Variants in FMN1 observed in about 807,000 individuals in gnomAD.
The protein encoded by FMN1 is formin 1.
FMN1 carries 110 observed loss-of-function variants against 132.4 expected under a neutral mutation model. The ratio of observed to expected loss-of-function variants is 0.83; its 90% CI spans 0.71 to 0.97. The LOEUF is 0.97. Ranked by LOEUF, FMN1 falls within the 50% of genes least tolerant of loss-of-function variation. The pLI is 0.00. For synonymous variants in FMN1, 722 were observed against 651.7 expected (o/e 1.11, Z -1.64); for missense variants, 1,792 against 1,705.3 (o/e 1.05, Z -0.90).
At chr15:33,185,908 C>G (rs1173874739) in intron 2 of FMN1, among the ~76,000 whole-genome samples, 4 of 152,062 alleles carry the variant, frequency 2.6e-5, no homozygotes, top group Admixed American at 1.3e-4. Context: ...TCATGAAATG[C>G]TTTCATGCCT....
intron 4 of FMN1, among the ~76,000 whole-genome samples, chr15:33,113,792 T>C (rs963478624): frequency 5.3e-5 from 8 of 152,180 alleles, no homozygotes; most frequent in Admixed American, 6.5e-5. Flanking sequence ...CTGTGACTCC[T>C]TCCAGACGGT....
At chr15:33,084,831 T>A (rs1197333472) in intron 5 of FMN1, among the ~76,000 whole-genome samples, 3 of 152,208 alleles carry the variant, frequency 2.0e-5, no homozygotes, top group African/African-American at 7.2e-5. Flanking sequence ...GTGTCCATCC[T>A]GACTCACGGA....
intron 2 of FMN1, among the ~76,000 whole-genome samples, chr15:33,190,768 G>A (rs79962769): frequency 1.3e-5 from 2 of 152,140 alleles, no homozygotes; most frequent in East Asian, 3.8e-4. Flanking sequence ...TCATAAAGGT[G>A]TCTCCTGCCC....
chr15:33,012,451 A>G, intron 6 of FMN1: 4 of 1,043,590 alleles, frequency 3.8e-6, no homozygotes, highest in Non-Finnish European at 4.4e-6. Flanking sequence ...TGCTGGCATT[A>G]AAGAAGACAC....
In FMN1 at chr15:32,999,812, A is replaced by G. The variant is rs1377319711; in HGVS notation, c.2223+8202T>C. Among the ~76,000 whole-genome samples, 4 of 152,218 alleles carry G rather than the reference A, an allele frequency of 2.6e-5. No individual in the cohort carries two copies. The East Asian group carries it at 5.8e-4, about 22-fold the overall frequency. ...CTGCTTAAGGTGTTGGTCAAAAACG[A>G]TATTCTTAAGCTACCAGCTCCTCAC... On this transcript the variant is annotated intron_variant, in intron 7 of 20. Coordinates refer to ENST00000616417, the MANE Select transcript of FMN1 (RefSeq NM_001277313.2).
chr15:32,794,710 A>C (rs1333408866), intron 19 of FMN1, among the ~76,000 whole-genome samples: 1 of 152,254 alleles, frequency 6.6e-6, no homozygotes, highest in Non-Finnish European at 1.5e-5. Flanking sequence ...TGTGTACCAA[A>C]AATTCATTGA....
At chr15:32,893,369 C>CGT (rs148715603) in intron 15 of FMN1, among the ~76,000 whole-genome samples, 7,250 of 150,164 alleles carry the variant, frequency 0.048, 225 homozygotes, top group Non-Finnish European at 0.071. Flanking sequence ...GTTTTGATTG[C>CGT]GTGTGTGTGT....
At chr15:33,066,073 C>CT (rs1409814942) in intron 5 of FMN1, among the ~76,000 whole-genome samples, 2 of 152,158 alleles carry the variant, frequency 1.3e-5, no homozygotes, top group Non-Finnish European at 2.9e-5. Context: ...GTGGAACACT[C>CT]TAATCACACC....
At chr15:32,843,345 A>G in intron 17 of FMN1, among the ~76,000 whole-genome samples, 1 of 152,200 alleles carries the variant, frequency 6.6e-6, no homozygotes, top group African/African-American at 2.4e-5. Flanking sequence ...CCTATTTCAC[A>G]TGAAGCTCAG....
Position 32,883,509 on chromosome 15 carries a change from CAAAAAAAAAA to C in FMN1, c.3835+4653_3835+4662del, listed in dbSNP as rs60737133. Among the ~76,000 whole-genome samples the C allele has an allele frequency of 1.3e-3, 33 of 25,922 alleles. No individual in the cohort carries two copies. The South Asian group carries it at 0.025, about 20-fold the overall frequency. 17.0% of individuals were successfully genotyped at this position (25,922 alleles called of 152,430 possible). A position where few individuals can be genotyped will look rare whatever the true frequency, so the allele number is the denominator to read the frequency against. On this transcript the variant is annotated intron_variant, in intron 16 of 20. Transcript: ENST00000616417. ...TGGGCAATAGAGCAAGAACCTATCTCAAAAAAAAAAAAAAAAAAAAAAAAAAAAAAAAAGA... is the reference window on the plus strand; with the variant it reads ...TGGGCAATAGAGCAAGAACCTATCTCAAAAAAAAAAAAAAAAAAAAAAAGA...
At chr15:32,823,758 G>A (rs62001289) in intron 17 of FMN1, among the ~76,000 whole-genome samples, 1 of 152,168 alleles carries the variant, frequency 6.6e-6, no homozygotes, top group African/African-American at 2.4e-5. Flanking sequence ...GCACTATGTG[G>A]AAACAAAGCC....
At chr15:32,814,927 T>C (rs189291513) in intron 17 of FMN1, among the ~76,000 whole-genome samples, 1 of 128,838 alleles carries the variant, frequency 7.8e-6, no homozygotes, top group African/African-American at 3.0e-5. Flanking sequence ...AGGCTGCATG[T>C]TTATTTTATT....
intron 7 of FMN1, among the ~76,000 whole-genome samples, chr15:32,983,636 A>G (rs1276291513): frequency 2.0e-5 from 3 of 152,118 alleles, no homozygotes. Context: ...GGGCTTCCAC[A>G]GCAAGATTCT....
intron 4 of FMN1, among the ~76,000 whole-genome samples, chr15:33,125,056 T>C (rs1383359648): frequency 6.6e-5 from 10 of 152,278 alleles, no homozygotes; most frequent in Non-Finnish European, 1.3e-4. Context: ...TTAAACAATT[T>C]AAAGCGACTG....
chr15:33,090,591 G>C (rs1020049256), intron 4 of FMN1, among the ~76,000 whole-genome samples: 2 of 151,930 alleles, frequency 1.3e-5, no homozygotes, highest in African/African-American at 4.8e-5. Context: ...CAGTTGTCTA[G>C]AAGAGTATAC....
chr15:33,059,649 T>TA (rs1445808980), intron 6 of FMN1, among the ~76,000 whole-genome samples: 3 of 152,246 alleles, frequency 2.0e-5, no homozygotes, highest in Non-Finnish European at 4.4e-5. Context: ...TTCCAACTCA[T>TA]AATTATTACA....
In FMN1 at chr15:32,841,153, G is replaced by A. The variant is rs974628846; in HGVS notation, c.3928+15862C>T. On this transcript the variant is annotated intron_variant, in intron 17 of 20. Coordinates refer to ENST00000616417, the MANE Select transcript of FMN1 (RefSeq NM_001277313.2). Reference sequence around the variant, plus strand: ...ATCTTGGGTTGGATCATCACAGTTCGTGGGAAACAATACAGGCTACTTTTC... The same window carrying A: ...ATCTTGGGTTGGATCATCACAGTTCATGGGAAACAATACAGGCTACTTTTC... Among the ~76,000 whole-genome samples, 11 of 152,170 alleles carry A rather than the reference G, an allele frequency of 7.2e-5. No individual in the cohort carries two copies. In the South Asian group the frequency reaches 1.4e-3, roughly 20 times the overall value.
chr15:32,888,378 A>G, intron 15 of FMN1, 86 bp from the exon 16 acceptor site: 1 of 1,310,312 alleles, frequency 7.6e-7, no homozygotes, highest in Non-Finnish European at 1.0e-6. Flanking sequence ...AGAAAAAAAA[A>G]AGCTTTTTTA....
Position 32,780,621 on chromosome 15 carries a change from C to T in FMN1, c.4131-3702G>A, listed in dbSNP as rs542635463. Reference sequence around the variant, plus strand: ...TTGCTTTCCCTGTACTCTACAGACTCACCCTGTATCCTTTCTTGTGTGAGA... The same window carrying T: ...TTGCTTTCCCTGTACTCTACAGACTTACCCTGTATCCTTTCTTGTGTGAGA... On this transcript the variant is annotated intron_variant, in intron 19 of 20. Transcript: ENST00000616417. Among the ~76,000 whole-genome samples, 42 of 152,298 alleles carry T rather than the reference C, an allele frequency of 2.8e-4. 1 individual carries two copies. In the South Asian group the frequency reaches 8.1e-3, roughly 29 times the overall value.
Sources: gnomAD v4.1 joint callset for allele counts (sites outside exome capture counted in the v4.1 genomes callset) on GRCh38, gnomAD v4.1.1 for gene constraint, MANE v1.5 for transcripts, NCBI Gene and HGNC (gene_info 2026-07-23, HGNC 2026-07-21) for gene names.